USP25: variants seen among roughly 807,000 people sequenced by gnomAD.
USP25 encodes ubiquitin carboxyl-terminal hydrolase 25.
A neutral mutation model predicts 158.5 loss-of-function variants in USP25; 85 were observed. The ratio of observed to expected loss-of-function variants is 0.54; its 90% CI spans 0.45 to 0.64. The LOEUF (loss-of-function observed/expected upper bound fraction) is 0.64, where lower values mean the gene tolerates loss of function less well. USP25 is among the 30% of genes least tolerant of loss of function. The probability of loss-of-function intolerance (pLI) is 0.00; values close to 1 mark genes in which losing one functional copy is unlikely to be tolerated. For synonymous variants in USP25, 464 were observed against 460.4 expected (o/e 1.01, Z -0.10); for missense variants, 1,242 against 1,327.3 (o/e 0.94, Z 1.00).
At chr21:15,861,053 ATTAC>A (rs941528185) in intron 20 of USP25, among the ~76,000 whole-genome samples, 14 of 151,874 alleles carry the variant, frequency 9.2e-5, no homozygotes, top group African/African-American at 2.9e-4. Context: ...GTTTTACAGT[ATTAC>A]TTAGAAAAGT....
chr21:15,756,049 T>C (rs1001685125), intron 1 of USP25, among the ~76,000 whole-genome samples: 1 of 152,192 alleles, frequency 6.6e-6, no homozygotes, highest in African/African-American at 2.4e-5. Flanking sequence ...CTTTGTTATA[T>C]AGATAAAGTC....
At position 15,794,038 on chromosome 21, in the gene USP25, A is replaced by T. The variant is rs188712575; in HGVS notation, c.555+2374A>T. Among the ~76,000 whole-genome samples the T allele has an allele frequency of 2.4e-3, 357 of 151,720 alleles. 5 individuals carry two copies. Among genetic ancestry groups the T allele is most frequent in the African/African-American group, 8.3e-3 (345 of 41,492 alleles). On this transcript the variant is annotated intron_variant, in intron 5 of 25. Coordinates refer to ENST00000400183, the MANE Select transcript of USP25 (RefSeq NM_001283041.3). ...TGAGTTGGAACTTACTCAAATTGTGATGTAAATGTACTGTAAAGTTTTGAT... is the reference window on the plus strand; with the variant it reads ...TGAGTTGGAACTTACTCAAATTGTGTTGTAAATGTACTGTAAAGTTTTGAT...
intron 20 of USP25, among the ~76,000 whole-genome samples, chr21:15,862,743 A>C (rs1159872515): frequency 2.4e-5 from 3 of 124,670 alleles, no homozygotes; most frequent in Non-Finnish European, 4.6e-5. Flanking sequence ...TGACATGTAT[A>C]TCCTCAAAAA....
rs1364553501 is a variant in USP25 at position 15,737,440 on chromosome 21, C to G, written c.45+7002C>G. ...TTAAATAATAAACACACACGAACCC[C>G]CTATTTAAAACAAAAGCTGGAACTT... On this transcript the variant is annotated intron_variant, in intron 1 of 25. Coordinates refer to ENST00000400183, the MANE Select transcript of USP25 (RefSeq NM_001283041.3). Among the ~76,000 whole-genome samples, 3 of 152,020 alleles carry G rather than the reference C, an allele frequency of 2.0e-5. No individual in the cohort carries two copies. In the East Asian group the frequency reaches 5.8e-4, roughly 29 times the overall value.
intron 1 of USP25, among the ~76,000 whole-genome samples, chr21:15,737,140 T>C (rs940991488): frequency 6.6e-6 from 1 of 152,130 alleles, no homozygotes; most frequent in Non-Finnish European, 1.5e-5. Context: ...ACGTCACTTA[T>C]CTTTCTTCCT....
At chr21:15,857,349 TAGC>T (rs145706700) in intron 20 of USP25, among the ~76,000 whole-genome samples, 1,865 of 152,304 alleles carry the variant, frequency 0.012, 35 homozygotes, top group African/African-American at 0.043. Context: ...TGCGTGAACA[TAGC>T]AGAGTTGACA....
At chr21:15,869,247 C>G (rs2039783842) in intron 22 of USP25, among the ~76,000 whole-genome samples, 1 of 125,938 alleles carries the variant, frequency 7.9e-6, no homozygotes, top group Non-Finnish European at 1.6e-5. Context: ...GACCCTGTCT[C>G]CAAAAAAAAA....
chr21:15,773,763 C>CG (rs1352202681), intron 3 of USP25, among the ~76,000 whole-genome samples: 9 of 152,096 alleles, frequency 5.9e-5, no homozygotes, highest in African/African-American at 2.2e-4. Context: ...GAAATTAAAA[C>CG]GGAGAAAAGC....
intron 1 of USP25, among the ~76,000 whole-genome samples, chr21:15,753,883 G>T (rs2033198139): frequency 1.3e-5 from 2 of 151,978 alleles, no homozygotes; most frequent in Admixed American, 1.3e-4. Flanking sequence ...GTAGCATCCA[G>T]AGCTACAAAA....
chr21:15,842,365 A>ATTAG, intron 17 of USP25, 33 bp from the exon 18 acceptor site: 1 of 1,606,194 alleles, frequency 6.2e-7, no homozygotes, highest in Non-Finnish European at 8.5e-7. Flanking sequence ...TGTGGTTTAT[A>ATTAG]TTAGATATAT....
chr21:15,806,934 T>G (rs566331862), intron 7 of USP25, among the ~76,000 whole-genome samples: 18 of 152,144 alleles, frequency 1.2e-4, no homozygotes, highest in African/African-American at 4.3e-4. Context: ...CCGTGTTTGT[T>G]TTTTTTTGAG....
chr21:15,759,613 G>C (rs1337298712), intron 1 of USP25, among the ~76,000 whole-genome samples: 1 of 152,194 alleles, frequency 6.6e-6, no homozygotes, highest in African/African-American at 2.4e-5. Context: ...TCTGGGTTAA[G>C]ATAAGGAGTT....
intron 1 of USP25, among the ~76,000 whole-genome samples, chr21:15,751,851 G>C (rs891316832): frequency 6.6e-6 from 1 of 152,142 alleles, no homozygotes; most frequent in African/African-American, 2.4e-5. Context: ...TTTTTTGGGA[G>C]AAATACATTT....
intron 1 of USP25, among the ~76,000 whole-genome samples, chr21:15,758,655 AT>A (rs1288890024): frequency 1.3e-5 from 2 of 152,152 alleles, no homozygotes; most frequent in African/African-American, 4.8e-5. Context: ...GGACTGGGTA[AT>A]TTATAAAGAA....
At chr21:15,825,127 T>C in intron 12 of USP25, 66 bp downstream of exon 12, 1 of 1,219,700 alleles carries the variant, frequency 8.2e-7, no homozygotes, top group Non-Finnish European at 1.2e-6. Context: ...ACTAGATTTT[T>C]AATTTCAAAT....
At chr21:15,811,535 G>A (rs1445443584) in intron 9 of USP25, among the ~76,000 whole-genome samples, 1 of 152,154 alleles carries the variant, frequency 6.6e-6, no homozygotes, top group Non-Finnish European at 1.5e-5. Flanking sequence ...TAATATTGGA[G>A]TTAAATACTG....
intron 1 of USP25, among the ~76,000 whole-genome samples, chr21:15,737,243 T>A (rs1364829285): frequency 1.3e-5 from 2 of 152,176 alleles, no homozygotes; most frequent in East Asian, 3.8e-4. Context: ...TAATGCCAGT[T>A]CTGTATTTAC....
chr21:15,830,455 G>A (rs999151523), intron 14 of USP25, 76 bp from the exon 15 acceptor site: 2 of 1,282,496 alleles, frequency 1.6e-6, no homozygotes, highest in Admixed American at 2.5e-5. Context: ...CATGTTTGTA[G>A]GAAAAACATT....
intron 4 of USP25, among the ~76,000 whole-genome samples, chr21:15,781,079 G>GT (rs2034935411): frequency 6.6e-6 from 1 of 152,198 alleles, no homozygotes; most frequent in African/African-American, 2.4e-5. Flanking sequence ...CAGCAGCAGT[G>GT]TAACTTGAAA....
Sources: allele counts gnomAD v4.1 joint callset (sites outside exome capture counted in the v4.1 genomes callset), GRCh38; gene constraint gnomAD v4.1.1; transcripts MANE v1.5; gene names NCBI Gene and HGNC (gene_info 2026-07-23, HGNC 2026-07-21).